SPTB: variants seen among roughly 807,000 people sequenced by gnomAD.
SPTB encodes the protein spectrin beta chain, erythrocytic.
A neutral mutation model predicts 256.2 loss-of-function variants in SPTB; 45 were observed. That is an observed-to-expected ratio of 0.18 (90% CI 0.14 to 0.23). The LOEUF is 0.23. Among genes scored for constraint, SPTB ranks in the 10% least tolerant of loss-of-function variants. The pLI, the probability that SPTB is intolerant of heterozygous loss-of-function variation, is 1.00. For missense variants in SPTB, 2,715 were observed against 3,040.4 expected (o/e 0.89, Z 2.52); for synonymous variants, 1,231 against 1,243.1 (o/e 0.99, Z 0.21).
Position 64,786,050 on chromosome 14 carries a change from G to C in SPTB, c.3562-99C>G. The C allele has an allele frequency of 8.1e-7, 1 of 1,230,014 alleles. No individual in the cohort carries two copies. The highest frequency in any genetic ancestry group is 1.2e-5 in the South Asian group (1 of 82,442). The allele number at this position is 1,230,014 out of a possible 1,614,324, so 76.2% of individuals were successfully genotyped here. On this transcript the variant is annotated intron_variant, in intron 16 of 35. Transcript: ENST00000644917. The surrounding 1 kb of genome is among the most constrained non-coding windows in gnomAD (Gnocchi z 5.6). The stretch of plus-strand genomic sequence containing the variant: ...CACCACGTGCAGCCACACAGGCCAC[G>C]GTATGAATGAGCCCCCTAGAGTAGT...
rs1241810138 is a variant in SPTB, at chr14:64,758,814, C to T, written c.6346-5021G>A. On this transcript the variant is annotated intron_variant, in intron 32 of 35. Transcript: ENST00000644917. This position sits in a 1 kb window ranked among gnomAD's most constrained non-coding sequence, Gnocchi z 4.6. ...GGAGGGGTGTGGGAGCCTGACACAG[C>T]CCTGCAAGTATGTGAGTGTGTATGT... 6.6e-6 allele frequency among the ~76,000 whole-genome samples: 1 copy of T among 152,124 alleles called. No individual in the cohort carries two copies. Among genetic ancestry groups the T allele is most frequent in the Non-Finnish European group, 1.5e-5 (1 of 68,014 alleles).
At chr14:64,838,833 C>T (rs1403641314) in intron 1 of SPTB, among the ~76,000 whole-genome samples, 1 of 152,072 alleles carries the variant, frequency 6.6e-6, no homozygotes, top group East Asian at 1.9e-4. Flanking sequence ...CACATAAAAG[C>T]CTCTATGCAA....
intron 1 of SPTB, among the ~76,000 whole-genome samples, chr14:64,836,938 C>T (rs1478433588): frequency 3.3e-5 from 5 of 152,146 alleles, no homozygotes; most frequent in Admixed American, 2.6e-4. Context: ...ATTTAGGAGC[C>T]AAACCAGGCC....
In SPTB at chr14:64,852,939, G is replaced by T. The variant is rs545043392; in HGVS notation, c.-52+26853C>A. On this transcript the variant is annotated intron_variant, in intron 1 of 35. Coordinates refer to ENST00000644917, the MANE Select transcript of SPTB (RefSeq NM_001355436.2). This position sits in a 1 kb window ranked among gnomAD's most constrained non-coding sequence, Gnocchi z 4.2. ...TACAAATAATTATAATTTACACATT[G>T]CAGAGTGCTGCCGAGGAGACGTATA... Among the ~76,000 whole-genome samples the T allele has an allele frequency of 1.4e-4, 22 of 152,298 alleles. No homozygotes were observed. The highest frequency in any genetic ancestry group is 2.8e-4 in the Non-Finnish European group (19 of 68,028).
intron 1 of SPTB, among the ~76,000 whole-genome samples, chr14:64,875,744 T>C (rs190941488): frequency 6.6e-6 from 1 of 152,356 alleles, no homozygotes; most frequent in African/African-American, 2.4e-5. Context: ...ACAGTCATTT[T>C]TGGCTTGTGA....
In SPTB at chr14:64,824,081, T is replaced by A. The variant is rs946970498; in HGVS notation, c.-51-936A>T. 6.6e-6 allele frequency among the ~76,000 whole-genome samples: 1 copy of A among 152,174 alleles called. No homozygotes were observed. The highest frequency in any genetic ancestry group is 1.5e-5 in the Non-Finnish European group (1 of 68,026). On this transcript the variant is annotated intron_variant, in intron 1 of 35. Transcript: ENST00000644917. The surrounding 1 kb of genome is among the most constrained non-coding windows in gnomAD (Gnocchi z 5.7). ...AGGCACTGTACTAGGCAGGGGCAAG[T>A]AAGACAGGAAAGTCATGTCCTCACA...
In SPTB at chr14:64,796,762, C is replaced by T. The variant is rs764553001; in HGVS notation, c.1183-47G>A. 1 of 1,612,650 alleles carries T rather than the reference C, an allele frequency of 6.2e-7. No individual in the cohort carries two copies. The highest frequency in any genetic ancestry group is 8.5e-7 in the Non-Finnish European group (1 of 1,179,628). ...AATTCTTGGGGCACAGGAGAAATGC[C>T]TCACTTTGGGGGCTCCACCCCTTTC... On this transcript the variant is annotated intron_variant, in intron 10 of 35. Coordinates refer to ENST00000644917, the MANE Select transcript of SPTB (RefSeq NM_001355436.2). This position sits in a 1 kb window ranked among gnomAD's most constrained non-coding sequence, Gnocchi z 4.1.
chr14:64,749,412 C>G lies in SPTB; in HGVS notation c.6881G>C (p.Arg2294Pro). ...STAINESQSIRVKAQSLPLPS... is the reference protein window; with the variant it reads ...STAINESQSIPVKAQSLPLPS... Reference sequence around the variant, plus strand: ...CAGGGGCAGGCTCTGCGCCTTGACGCGGATGCTCTGGGACTCGTTGATGGC... The same window carrying G: ...CAGGGGCAGGCTCTGCGCCTTGACGGGGATGCTCTGGGACTCGTTGATGGC... The change falls in exon 36 of 36, where the codon CGC becomes CCC. Residue 2294 changes from arginine to proline, a missense_variant. By Grantham distance (103) the Arg-to-Pro change is moderately radical. This residue lies in a region of SPTB where 2,239 missense variants were observed against 2,384.4 expected (regional missense o/e 0.94). Coordinates refer to ENST00000644917, the MANE Select transcript of SPTB (RefSeq NM_001355436.2). This position sits in a 1 kb window ranked among gnomAD's most constrained non-coding sequence, Gnocchi z 4.7. 6.2e-7 allele frequency: 1 copy of G among 1,607,496 alleles called. No individual in the cohort carries two copies. The highest frequency in any genetic ancestry group is 8.5e-7 in the Non-Finnish European group (1 of 1,179,702).
At chr14:64,858,040 A>C (rs2083900340) in intron 1 of SPTB, among the ~76,000 whole-genome samples, 1 of 152,180 alleles carries the variant, frequency 6.6e-6, no homozygotes, top group African/African-American at 2.4e-5. Flanking sequence ...CATTTTACTG[A>C]GGAGGAAAAT....
intron 8 of SPTB, 25 bp downstream of exon 8, chr14:64,800,731 A>G (rs2082867824): frequency 6.3e-7 from 1 of 1,597,246 alleles, no homozygotes; most frequent in African/African-American, 1.3e-5. Context: ...GAAGAGTGAC[A>G]CTTTGGTTCC....
chr14:64,798,089 G>A (rs2082810607), intron 9 of SPTB, among the ~76,000 whole-genome samples: 1 of 152,098 alleles, frequency 6.6e-6, no homozygotes, highest in Non-Finnish European at 1.5e-5. Context: ...AAAACACAAT[G>A]GCCACCACAG....
rs1326117879 is a variant in SPTB, at chr14:64,785,116, G to A, written c.3855+421C>T. On this transcript the variant is annotated intron_variant, in intron 18 of 35. Coordinates refer to ENST00000644917, the MANE Select transcript of SPTB (RefSeq NM_001355436.2). This position sits in a 1 kb window ranked among gnomAD's most constrained non-coding sequence, Gnocchi z 4.4. ...ACCAGGACTGGCTCCATAATTTGCA[G>A]GGCCCAGTACAAAATGGAGTTGTTC... Among the ~76,000 whole-genome samples, 1 of 152,158 alleles carries A rather than the reference G, an allele frequency of 6.6e-6. No individual in the cohort carries two copies. Among genetic ancestry groups the A allele is most frequent in the Admixed American group, 6.5e-5 (1 of 15,278 alleles).
intron 2 of SPTB, among the ~76,000 whole-genome samples, chr14:64,809,034 GT>G (rs1211658222): frequency 1.3e-5 from 2 of 151,992 alleles, no homozygotes; most frequent in African/African-American, 2.4e-5. Context: ...GCTGAGGCAG[GT>G]GGATTACCTG....
At chr14:64,822,086 G>A (rs1045710098) in intron 2 of SPTB, among the ~76,000 whole-genome samples, 13 of 151,836 alleles carry the variant, frequency 8.6e-5, no homozygotes, top group African/African-American at 3.1e-4. Flanking sequence ...GTCAATGATA[G>A]GGAAACAGGT....
rs1054590873 is a variant in SPTB, at chr14:64,775,542, A to G, written c.4564-139T>C. 8.7e-7 allele frequency: 1 copy of G among 1,149,928 alleles called. No individual in the cohort carries two copies. Among genetic ancestry groups the G allele is most frequent in the Non-Finnish European group, 1.2e-6 (1 of 831,084 alleles). 71.2% of individuals were successfully genotyped at this position (1,149,928 alleles called of 1,614,324 possible). Reference sequence around the variant, plus strand: ...AGCAGAGCAGGTGATGGCGATAAGAACTACCAATGACCTCTTGCGGGCTGC... The same window carrying G: ...AGCAGAGCAGGTGATGGCGATAAGAGCTACCAATGACCTCTTGCGGGCTGC... On this transcript the variant is annotated intron_variant, in intron 22 of 35. Transcript: ENST00000644917. The surrounding 1 kb of genome is among the most constrained non-coding windows in gnomAD (Gnocchi z 5.0).
intron 15 of SPTB, among the ~76,000 whole-genome samples, chr14:64,791,403 T>G (rs1220670708): frequency 1.3e-5 from 2 of 151,590 alleles, no homozygotes; most frequent in Non-Finnish European, 2.9e-5. Flanking sequence ...ACATCTCTAC[T>G]AAAAATACAA....
At position 64,796,337 on chromosome 14, in the gene SPTB, C is replaced by T. The variant is rs2082768389; in HGVS notation, c.1341+220G>A. On this transcript the variant is annotated intron_variant, in intron 11 of 35. Transcript: ENST00000644917. This position sits in a 1 kb window ranked among gnomAD's most constrained non-coding sequence, Gnocchi z 4.1. Reference sequence around the variant, plus strand: ...GGCCCACATAAGACAACTTCAGCGGCCAGTTCTAGACTCCAAGGCTCTTTC... The same window carrying T: ...GGCCCACATAAGACAACTTCAGCGGTCAGTTCTAGACTCCAAGGCTCTTTC... Among the ~76,000 whole-genome samples, 1 of 152,154 alleles carries T rather than the reference C, an allele frequency of 6.6e-6. No homozygotes were observed. Among genetic ancestry groups the T allele is most frequent in the South Asian group, 2.1e-4 (1 of 4,822 alleles).
chr14:64,856,201 T>C (rs955045383), intron 1 of SPTB, among the ~76,000 whole-genome samples: 1 of 152,232 alleles, frequency 6.6e-6, no homozygotes, highest in East Asian at 1.9e-4. Context: ...CCCAGAAGGC[T>C]GTCTCTCCAG....
rs957916686 is a variant in SPTB at position 64,844,979 on chromosome 14, C to T, written c.-51-21834G>A. ...AGAAATAAGACCCAGAATCTCAAGT[C>T]TTTGAGCTCTTGCTCTCACTGCATA... On this transcript the variant is annotated intron_variant, in intron 1 of 35. Coordinates refer to ENST00000644917, the MANE Select transcript of SPTB (RefSeq NM_001355436.2). The surrounding 1 kb of genome is among the most constrained non-coding windows in gnomAD (Gnocchi z 4.1). Among the ~76,000 whole-genome samples, 5 of 151,362 alleles carry T rather than the reference C, an allele frequency of 3.3e-5. No homozygotes were observed. The highest frequency in any genetic ancestry group is 5.9e-5 in the Non-Finnish European group (4 of 68,036).
Sources: gnomAD v4.1 joint callset for allele counts (sites outside exome capture counted in the v4.1 genomes callset) on GRCh38, gnomAD v4.1.1 for gene constraint, gnomAD v4.1.1 regional missense constraint, Gnocchi (gnomAD v3.1) non-coding constraint, MANE v1.5 for transcripts, NCBI Gene and HGNC (gene_info 2026-07-23, HGNC 2026-07-21) for gene names.